CCNY: variants seen among roughly 807,000 people sequenced by gnomAD.
CCNY encodes cyclin Y, also known as cyclin-Y.
A neutral mutation model predicts 42.8 loss-of-function variants in CCNY; 19 were observed. That is an observed-to-expected ratio of 0.44 (90% CI 0.31 to 0.65). The LOEUF is 0.65. CCNY is among the 30% of genes least tolerant of loss of function. CCNY has a pLI of 0.07. For missense variants in CCNY, 370 were observed against 437.3 expected, an observed-to-expected ratio of 0.85 and a Z score of 1.37; for synonymous variants, 165 against 162.7, an observed-to-expected ratio of 1.01 and a Z score of -0.11.
At chr10:35,417,806 T>A (rs1838058557) in intron 1 of CCNY, among the ~76,000 whole-genome samples, 1 of 152,206 alleles carries the variant, frequency 6.6e-6, no homozygotes, top group Non-Finnish European at 1.5e-5. Flanking sequence ...AAATTACATT[T>A]TTAGGGGTCT....
intron 3 of CCNY, among the ~76,000 whole-genome samples, chr10:35,320,204 G>A (rs963732767): frequency 6.6e-6 from 1 of 151,614 alleles, no homozygotes; most frequent in Non-Finnish European, 1.5e-5. Flanking sequence ...ACTGAATACA[G>A]ATGCAAACAT....
At chr10:35,532,219 C>A (rs1840783963) in intron 7 of CCNY, among the ~76,000 whole-genome samples, 1 of 150,176 alleles carries the variant, frequency 6.7e-6, no homozygotes. Context: ...GAGCAAGACT[C>A]TTGTAGGATT....
intron 1 of CCNY, among the ~76,000 whole-genome samples, chr10:35,442,234 C>T (rs891553106): frequency 3.9e-5 from 6 of 152,116 alleles, no homozygotes. Context: ...GGTTGCCCTC[C>T]AAGGGCTTAT....
intron 3 of CCNY, among the ~76,000 whole-genome samples, chr10:35,295,225 T>C (rs2135067321): frequency 7.4e-6 from 1 of 135,908 alleles, no homozygotes; most frequent in Middle Eastern, 3.8e-3. Flanking sequence ...TTATCCCCTA[T>C]AATACTTTTT....
At chr10:35,349,794 C>CA (rs1215588827) in intron 1 of CCNY, among the ~76,000 whole-genome samples, 1 of 152,128 alleles carries the variant, frequency 6.6e-6, no homozygotes, top group African/African-American at 2.4e-5. Context: ...ATAACAACAA[C>CA]AAAAAAATGT....
At chr10:35,427,404 T>C (rs1297516144) in intron 1 of CCNY, among the ~76,000 whole-genome samples, 2 of 147,774 alleles carry the variant, frequency 1.4e-5, no homozygotes, top group Non-Finnish European at 2.9e-5. Flanking sequence ...TTTTTAAAAC[T>C]TCCTAGGTGA....
chr10:35,569,326 G>T lies in CCNY; in HGVS notation c.*156G>T. 1.6e-6 allele frequency: 1 copy of T among 616,500 alleles called. No homozygotes were observed. The highest frequency in any genetic ancestry group is 2.9e-6 in the Non-Finnish European group (1 of 344,356). 38.2% of individuals were successfully genotyped at this position (616,500 alleles called of 1,614,324 possible). ...CCTGGATGAGCGCCCATGCAGCAAG[G>T]CTTGGAGGAAGCGTCAGTGCCCTGG... On this transcript the variant is annotated 3_prime_UTR_variant, in exon 10 of 10. Transcript: ENST00000374704.
intron 1 of CCNY, among the ~76,000 whole-genome samples, chr10:35,452,930 T>C (rs1314714911): frequency 6.6e-6 from 1 of 152,196 alleles, no homozygotes; most frequent in Admixed American, 6.5e-5. Context: ...CCTCCAAATT[T>C]GTATGACATA....
At chr10:35,474,643 C>G (rs1462327116) in intron 1 of CCNY, among the ~76,000 whole-genome samples, 1 of 152,128 alleles carries the variant, frequency 6.6e-6, no homozygotes, top group African/African-American at 2.4e-5. Context: ...AAAAACCCAT[C>G]TGTACATCAC....
intron 1 of CCNY, among the ~76,000 whole-genome samples, chr10:35,344,249 C>G (rs1205023207): frequency 6.6e-6 from 1 of 152,192 alleles, no homozygotes; most frequent in African/African-American, 2.4e-5. Flanking sequence ...GGTGTGCTCC[C>G]AGCTCTGTGA....
At chr10:35,437,644 A>C (rs1838567719) in intron 1 of CCNY, among the ~76,000 whole-genome samples, 1 of 152,060 alleles carries the variant, frequency 6.6e-6, no homozygotes, top group Non-Finnish European at 1.5e-5. Context: ...CCTGGGCGAC[A>C]GAGCCAGACT....
rs12258179 is a variant in CCNY at position 35,289,921 on chromosome 10, A to G, written c.-9+39295A>G. 4.4e-3 allele frequency among the ~76,000 whole-genome samples: 667 copies of G among 150,242 alleles called. 6 individuals are homozygous for G. The highest frequency in any genetic ancestry group is 0.016 in the African/African-American group (636 of 40,868). ...AAGTTCCTTCAATTATTTGTTGACTATGAACATTGCTTTTAAAAAATCAGC... is the reference window on the plus strand; with the variant it reads ...AAGTTCCTTCAATTATTTGTTGACTGTGAACATTGCTTTTAAAAAATCAGC... On this transcript the variant is annotated intron_variant, in intron 3 of 11. Coordinates refer to the CCNY transcript ENST00000374706.
chr10:35,396,333 G>A (rs1032846214), intron 1 of CCNY, among the ~76,000 whole-genome samples: 2 of 152,276 alleles, frequency 1.3e-5, no homozygotes, highest in South Asian at 2.1e-4. Flanking sequence ...CAGACAGGCC[G>A]ACTGGAGTTT....
intron 2 of CCNY, among the ~76,000 whole-genome samples, chr10:35,485,958 A>C (rs939304252): frequency 6.6e-6 from 1 of 152,090 alleles, no homozygotes; most frequent in East Asian, 1.9e-4. Flanking sequence ...TTTGGTTTGC[A>C]CACAGTTCCT....
chr10:35,312,729 A>G (rs1322083035), intron 3 of CCNY, among the ~76,000 whole-genome samples: 2 of 149,928 alleles, frequency 1.3e-5, no homozygotes, highest in East Asian at 2.0e-4. Flanking sequence ...CATTATCCCA[A>G]TAGAGTATTC....
intron 3 of CCNY, among the ~76,000 whole-genome samples, chr10:35,257,931 T>A (rs4007272): frequency 4.5e-4 from 68 of 152,012 alleles, no homozygotes; most frequent in African/African-American, 1.5e-3. Flanking sequence ...TTCTTCAATC[T>A]TTTTTCCTTC....
At chr10:35,534,588 C>T (rs1840841410) in intron 7 of CCNY, among the ~76,000 whole-genome samples, 1 of 152,106 alleles carries the variant, frequency 6.6e-6, no homozygotes, top group South Asian at 2.1e-4. Context: ...TTTTTAATAG[C>T]TTTATTGGGA....
intron 3 of CCNY, among the ~76,000 whole-genome samples, chr10:35,507,433 A>G (rs942236427): frequency 4.6e-5 from 7 of 152,114 alleles, no homozygotes; most frequent in African/African-American, 7.2e-5. Context: ...ATCCTTGGTC[A>G]TTGTCTTTTA....
intron 1 of CCNY, among the ~76,000 whole-genome samples, chr10:35,463,361 A>T (rs552866037): frequency 6.6e-6 from 1 of 152,350 alleles, no homozygotes; most frequent in Admixed American, 6.5e-5. Flanking sequence ...AACGTTCAGA[A>T]AGCATCTGTT....
Sources: allele counts gnomAD v4.1 joint callset (sites outside exome capture counted in the v4.1 genomes callset), GRCh38; gene constraint gnomAD v4.1.1; transcripts MANE v1.5; gene names NCBI Gene and HGNC (gene_info 2026-07-23, HGNC 2026-07-21).